FBXL20: variants seen among roughly 807,000 people sequenced by gnomAD.
FBXL20 encodes F-box and leucine rich repeat protein 20.
Under a neutral mutation model 64.0 loss-of-function variants are expected in FBXL20, and 11 were observed. The observed-to-expected ratio is 0.17, with a 90% CI of 0.11 to 0.28. The LOEUF (loss-of-function observed/expected upper bound fraction) is 0.28, where lower values mean the gene tolerates loss of function less well. FBXL20 is among the 10% of genes least tolerant of loss of function. FBXL20 has a pLI of 1.00. For missense variants in FBXL20, 303 were observed against 526.2 expected (o/e 0.58, Z 4.15); for synonymous variants, 184 against 189.0 (o/e 0.97, Z 0.22).
rs1247146667 is a variant in FBXL20 at position 39,315,816 on chromosome 17, TGAGAGAGAGAGACAGAGA to T, written c.105-12195_105-12178del. ...TGAAGAGGGGATCTTTGAGAGAGAG[TGAGAGAGAGAGACAGAGA>T]GAGAGAGAGAGAGAGAGAGAGAGAG... On this transcript the variant is annotated intron_variant, in intron 2 of 14. Coordinates refer to ENST00000264658, the MANE Select transcript of FBXL20 (RefSeq NM_032875.3). 2.9e-4 allele frequency among the ~76,000 whole-genome samples: 18 copies of T among 61,348 alleles called. No homozygotes were observed. The East Asian group carries it at 5.2e-3, about 18-fold the overall frequency. The allele number at this position is 61,348 out of a possible 152,430, so 40.2% of individuals were successfully genotyped here.
In FBXL20 at chr17:39,350,518, CAA is replaced by C. The variant is rs5820287; in HGVS notation, c.43-7279_43-7278del. ...ACAAAAACAAAAACAAAAAAAGAAG[CAA>C]AAAAAAAAAAAAAAACATAGCTAAT... On this transcript the variant is annotated intron_variant, in intron 1 of 14. Coordinates refer to ENST00000264658, the MANE Select transcript of FBXL20 (RefSeq NM_032875.3). Among the ~76,000 whole-genome samples, 75 of 101,750 alleles carry C rather than the reference CAA, an allele frequency of 7.4e-4. 1 individual carries two copies. The highest frequency in any genetic ancestry group is 9.4e-4 in the Non-Finnish European group (44 of 46,898). 66.8% of individuals were successfully genotyped at this position (101,750 alleles called of 152,430 possible). A position where few individuals can be genotyped will look rare whatever the true frequency, so the allele number is the denominator to read the frequency against.
At chr17:39,278,177 G>A (rs1451926295) in intron 9 of FBXL20, among the ~76,000 whole-genome samples, 5 of 152,084 alleles carry the variant, frequency 3.3e-5, no homozygotes, top group Admixed American at 1.3e-4. Context: ...ACAGAGTCTC[G>A]CTCTGCTGCC....
chr17:39,261,892 C>T (rs1363231566), intron 14 of FBXL20, among the ~76,000 whole-genome samples: 1 of 152,052 alleles, frequency 6.6e-6, no homozygotes, highest in East Asian at 2.0e-4. Context: ...ACCATCCAGG[C>T]TAACATGGTG....
intron 10 of FBXL20, among the ~76,000 whole-genome samples, chr17:39,272,701 C>CAAAAAAAAAAAA (rs56138431): frequency 5.1e-5 from 5 of 98,864 alleles, no homozygotes; most frequent in East Asian, 5.8e-4. Flanking sequence ...AACTCTATCT[C>CAAAAAAAAAAAA]AAAAAAAAAA....
chr17:39,323,272 A>T (rs1317714132), intron 2 of FBXL20, among the ~76,000 whole-genome samples: 1 of 152,032 alleles, frequency 6.6e-6, no homozygotes, highest in Non-Finnish European at 1.5e-5. Context: ...CCCAGCCTTA[A>T]CCTCATTAAT....
intron 1 of FBXL20, among the ~76,000 whole-genome samples, chr17:39,347,639 T>C (rs1189859936): frequency 2.6e-5 from 4 of 152,210 alleles, no homozygotes; most frequent in African/African-American, 2.4e-5. Context: ...ATTCTGTAGG[T>C]TGCCTGTTTA....
At chr17:39,343,426 CCT>C (rs2047601559) in intron 1 of FBXL20, among the ~76,000 whole-genome samples, 185 bp from the exon 2 acceptor site, 2 of 152,142 alleles carry the variant, frequency 1.3e-5, no homozygotes, top group African/African-American at 2.4e-5. Context: ...TAATTCATTC[CCT>C]GTCTCCAAAG....
chr17:39,398,470 T>C (rs1213788054), intron 1 of FBXL20, among the ~76,000 whole-genome samples: 1 of 152,328 alleles, frequency 6.6e-6, no homozygotes, highest in African/African-American at 2.4e-5. Flanking sequence ...TAAGTTTTAA[T>C]TGATTAACAC....
Position 39,287,968 on chromosome 17 carries a change from CT to C in FBXL20, c.399-2396del, listed in dbSNP as rs34161800. Among the ~76,000 whole-genome samples the C allele has an allele frequency of 5.9e-3, 728 of 123,814 alleles. 3 individuals are homozygous for C. The highest frequency in any genetic ancestry group is 0.014 in the African/African-American group (430 of 31,514). The allele number at this position is 123,814 out of a possible 152,430, so 81.2% of individuals were successfully genotyped here. On this transcript the variant is annotated intron_variant, in intron 6 of 14. Transcript: ENST00000264658. ...TTACTTTACAATTCTGTAATGAAAA[CT>C]TTTTTTTTTTTTTTTTTTGAGATGG...
chr17:39,349,688 G>C (rs1316599327), intron 1 of FBXL20, among the ~76,000 whole-genome samples: 1 of 152,150 alleles, frequency 6.6e-6, no homozygotes, highest in African/African-American at 2.4e-5. Context: ...TGTAATCCCA[G>C]CACTTTGGGA....
Position 39,285,663 on chromosome 17 carries a change from GTATA to G in FBXL20, c.399-94_399-91del, listed in dbSNP as rs1039728159. Reference sequence around the variant, plus strand: ...GACACTGTTCTTATTAAACACATGTGTATATATAAGAACTGTAAAATTTTCATAC... The same window carrying G: ...GACACTGTTCTTATTAAACACATGTGTATAAGAACTGTAAAATTTTCATAC... On this transcript the variant is annotated intron_variant, in intron 6 of 14. Transcript: ENST00000264658. 14 of 697,596 alleles carry G rather than the reference GTATA, an allele frequency of 2.0e-5. No homozygotes were observed. The African/African-American group carries it at 2.6e-4, about 13-fold the overall frequency. 43.2% of individuals were successfully genotyped at this position (697,596 alleles called of 1,614,324 possible). A position where few individuals can be genotyped will look rare whatever the true frequency, so the allele number is the denominator to read the frequency against.
intron 1 of FBXL20, among the ~76,000 whole-genome samples, chr17:39,391,573 A>C (rs1414880065): frequency 6.6e-6 from 1 of 152,294 alleles, no homozygotes; most frequent in Middle Eastern, 3.4e-3. Context: ...TATATAAATT[A>C]TAAGAGTACA....
At chr17:39,381,797 G>GAAA (rs562910166) in intron 1 of FBXL20, among the ~76,000 whole-genome samples, 3 of 101,278 alleles carry the variant, frequency 3.0e-5, no homozygotes, top group Non-Finnish European at 6.2e-5. Context: ...TCTCTGAAGG[G>GAAA]AAAAAAAAAA....
intron 1 of FBXL20, among the ~76,000 whole-genome samples, chr17:39,396,952 G>A (rs951852820): frequency 1.0e-4 from 13 of 127,976 alleles, no homozygotes; most frequent in Non-Finnish European, 1.6e-4. Flanking sequence ...GCAAGACTCC[G>A]GCTCAAAAAA....
chr17:39,267,357 C>T (rs527556411), intron 12 of FBXL20, among the ~76,000 whole-genome samples: 1 of 152,266 alleles, frequency 6.6e-6, no homozygotes, highest in Middle Eastern at 3.4e-3. Flanking sequence ...CTAAAAAAAT[C>T]TGTCCCCCAG....
chr17:39,303,836 G>C (rs1289489591), intron 2 of FBXL20, among the ~76,000 whole-genome samples, 197 bp from the exon 3 acceptor site: 2 of 152,058 alleles, frequency 1.3e-5, no homozygotes, highest in Non-Finnish European at 2.9e-5. Context: ...AGAGATGCGT[G>C]CCACCATACC....
At chr17:39,345,788 A>G (rs1411903603) in intron 1 of FBXL20, among the ~76,000 whole-genome samples, 1 of 152,090 alleles carries the variant, frequency 6.6e-6, no homozygotes, top group Non-Finnish European at 1.5e-5. Flanking sequence ...GGATCCTCCC[A>G]ACTCAGTGTC....
At chr17:39,330,772 T>A (rs1364404884) in intron 2 of FBXL20, among the ~76,000 whole-genome samples, 1 of 151,998 alleles carries the variant, frequency 6.6e-6, no homozygotes, top group African/African-American at 2.4e-5. Flanking sequence ...AATGGAACAA[T>A]GAGCTTGACA....
chr17:39,399,025 G>A (rs2048215122), intron 1 of FBXL20, among the ~76,000 whole-genome samples: 1 of 152,134 alleles, frequency 6.6e-6, no homozygotes, highest in Non-Finnish European at 1.5e-5. Context: ...CCCAGAGTGG[G>A]AGATTTAAGG....
Sources: allele counts gnomAD v4.1 joint callset (sites outside exome capture counted in the v4.1 genomes callset), GRCh38; gene constraint gnomAD v4.1.1; transcripts MANE v1.5; gene names NCBI Gene and HGNC (gene_info 2026-07-23, HGNC 2026-07-21).